The following PDE1C variants were observed in gnomAD, a reference collection of about 807,000 sequenced individuals.
The protein encoded by PDE1C is dual specificity calcium/calmodulin-dependent 3',5'-cyclic nucleotide phosphodiesterase 1C.
PDE1C carries 62 observed loss-of-function variants against 93.1 expected under a neutral mutation model. The observed-to-expected ratio is 0.67, with a 90% CI of 0.54 to 0.82. The LOEUF (loss-of-function observed/expected upper bound fraction) is 0.82, where lower values mean the gene tolerates loss of function less well. Ranked by LOEUF, PDE1C falls within the 40% of genes least tolerant of loss-of-function variation. PDE1C has a pLI of 0.00. For synonymous variants in PDE1C, 325 were observed against 310.1 expected, an observed-to-expected ratio of 1.05 and a Z score of -0.50; for missense variants, 742 against 884.6, an observed-to-expected ratio of 0.84 and a Z score of 2.04.
chr7:31,816,669 T>C (rs1000295180), intron 14 of PDE1C, among the ~76,000 whole-genome samples: 3 of 152,094 alleles, frequency 2.0e-5, no homozygotes, highest in Non-Finnish European at 4.4e-5. Context: ...ACACAAACAA[T>C]TGATTACAAA....
the PDE1C span, among the ~76,000 whole-genome samples, chr7:31,619,184 CAAGG>C: frequency 6.6e-6 from 1 of 152,120 alleles, no homozygotes; most frequent in African/African-American, 2.4e-5. Flanking sequence ...TAAGTACAGG[CAAGG>C]TGTCCTTTCT....
At chr7:31,682,829 G>A in the PDE1C span, among the ~76,000 whole-genome samples, 1 of 152,096 alleles carries the variant, frequency 6.6e-6, no homozygotes, top group Non-Finnish European at 1.5e-5. Flanking sequence ...GAAACCACCT[G>A]AATGAATCTC....
upstream of PDE1C, among the ~76,000 whole-genome samples, chr7:32,301,559 T>C (rs1161014666): frequency 6.6e-6 from 1 of 152,240 alleles, no homozygotes; most frequent in Non-Finnish European, 1.5e-5. Flanking sequence ...TTAGACACTG[T>C]ACACCTACAG....
chr7:32,147,312 G>GAAAGAAAAAAGAAAGAAAGAAAA (rs1563352923), intron 3 of PDE1C, among the ~76,000 whole-genome samples: 1 of 145,442 alleles, frequency 6.9e-6, no homozygotes, highest in African/African-American at 2.8e-5. Context: ...AAGAAAGAAA[G>GAAAGAAAAAAGAAAGAAAGAAAA]AAAGAAAGAA....
chr7:32,356,233 C>T (rs1446021957), intron 1 of PDE1C, among the ~76,000 whole-genome samples: 1 of 152,196 alleles, frequency 6.6e-6, no homozygotes, highest in Non-Finnish European at 1.5e-5. Context: ...CCCAAGAAAT[C>T]AGAAGTGCTT....
chr7:32,330,422 G>A (rs1783491191), intron 1 of PDE1C, among the ~76,000 whole-genome samples: 1 of 152,252 alleles, frequency 6.6e-6, no homozygotes, highest in Non-Finnish European at 1.5e-5. Flanking sequence ...TGAGCTCGCA[G>A]TGCTAAGCAC....
At chr7:32,066,688 C>G (rs1795446155) in intron 1 of PDE1C, among the ~76,000 whole-genome samples, 1 of 152,098 alleles carries the variant, frequency 6.6e-6, no homozygotes, top group Admixed American at 6.5e-5. Context: ...GTATATAGAA[C>G]ACCCACAGCC....
chr7:32,132,378 G>C lies in PDE1C; in HGVS notation c.308+37407C>G, dbSNP rs146967802. On this transcript the variant is annotated intron_variant, in intron 3 of 18. Transcript: ENST00000396193. ...TACATATTTGACTTTTATCATATCG[G>C]TTAAGCAGGGTGCAGTGGCTCACGC... Among the ~76,000 whole-genome samples, 362 of 152,204 alleles carry C rather than the reference G, an allele frequency of 2.4e-3. 2 individuals are homozygous for C. Among genetic ancestry groups the C allele is most frequent in the African/African-American group, 8.5e-3 (353 of 41,564 alleles).
intron 2 of PDE1C, among the ~76,000 whole-genome samples, chr7:31,881,640 T>C (rs1797259866): frequency 6.6e-6 from 1 of 152,172 alleles, no homozygotes; most frequent in African/African-American, 2.4e-5. Flanking sequence ...TCAGGCTGTT[T>C]GATAACCAGC....
chr7:32,424,631 C>A (rs1785493857), intron 1 of PDE1C, among the ~76,000 whole-genome samples: 1 of 152,074 alleles, frequency 6.6e-6, no homozygotes, highest in South Asian at 2.1e-4. Flanking sequence ...CATGGTGAAA[C>A]CCTGTCTTTA....
intron 2 of PDE1C, among the ~76,000 whole-genome samples, chr7:31,981,797 C>A (rs553820068): frequency 6.6e-6 from 1 of 152,260 alleles, no homozygotes; most frequent in African/African-American, 2.4e-5. Context: ...CTGCCTATAT[C>A]TTTGAATATT....
At chr7:32,385,376 A>C (rs536956035) in intron 1 of PDE1C, among the ~76,000 whole-genome samples, 3 of 152,324 alleles carry the variant, frequency 2.0e-5, no homozygotes, top group African/African-American at 7.2e-5. Flanking sequence ...AAGAGGCTAA[A>C]GCTGCAATTT....
intron 1 of PDE1C, among the ~76,000 whole-genome samples, chr7:32,369,477 A>C (rs992775311): frequency 6.6e-6 from 1 of 151,954 alleles, no homozygotes; most frequent in Non-Finnish European, 1.5e-5. Flanking sequence ...TCAAAAGGAC[A>C]AAAAAAATAA....
chr7:32,280,537 C>G (rs554570295), intron 1 of PDE1C, among the ~76,000 whole-genome samples: 1 of 152,070 alleles, frequency 6.6e-6, no homozygotes, highest in Non-Finnish European at 1.5e-5. Flanking sequence ...ATTGACGATA[C>G]ATATGAAAAC....
chr7:31,740,713 A>G, the PDE1C span, among the ~76,000 whole-genome samples: 2 of 152,220 alleles, frequency 1.3e-5, no homozygotes, highest in South Asian at 4.1e-4. Context: ...CTAGCAATAA[A>G]TAATATATGG....
rs1469462779 is a variant in PDE1C, at chr7:32,378,923, T to A, written c.310+48899A>T. Among the ~76,000 whole-genome samples, 3 of 152,236 alleles carry A rather than the reference T, an allele frequency of 2.0e-5. No individual in the cohort carries two copies. In the East Asian group the frequency reaches 5.8e-4, roughly 29 times the overall value. On this transcript the variant is annotated intron_variant, in intron 1 of 1. Transcript: ENST00000672256. ...CTTTCTTTATTGCAATGCTGTGGTC[T>A]TTTTTGGTGCAGCCAGCAGGAATAA...
chr7:32,257,023 G>C (rs1270965595), intron 1 of PDE1C, among the ~76,000 whole-genome samples: 1 of 152,100 alleles, frequency 6.6e-6, no homozygotes, highest in Non-Finnish European at 1.5e-5. Flanking sequence ...CATTCCACAA[G>C]CATATGCCCA....
intron 1 of PDE1C, among the ~76,000 whole-genome samples, chr7:32,272,686 C>G (rs894589562): frequency 5.3e-5 from 8 of 152,180 alleles, no homozygotes; most frequent in African/African-American, 1.9e-4. Context: ...CATGAAATGA[C>G]TTAACGATTG....
chr7:31,830,048 ACTC>A (rs1790183545), intron 11 of PDE1C, among the ~76,000 whole-genome samples: 1 of 152,050 alleles, frequency 6.6e-6, no homozygotes, highest in South Asian at 2.1e-4. Flanking sequence ...ATACTAAATA[ACTC>A]CTAATTCCAC....
Sources: gnomAD v4.1 joint callset for allele counts (sites outside exome capture counted in the v4.1 genomes callset) on GRCh38, gnomAD v4.1.1 for gene constraint, MANE v1.5 for transcripts, NCBI Gene and HGNC (gene_info 2026-07-23, HGNC 2026-07-21) for gene names.